The following MED27 variants were observed in gnomAD, a reference collection of about 807,000 sequenced individuals.
The protein encoded by MED27 is mediator complex subunit 27.
Under a neutral mutation model 38.2 loss-of-function variants are expected in MED27, and 30 were observed. The observed-to-expected ratio is 0.79, with a 90% CI of 0.59 to 1.07. The LOEUF (loss-of-function observed/expected upper bound fraction) is 1.07. MED27 is among the 50% of genes least tolerant of loss of function. The probability of loss-of-function intolerance (pLI) is 0.00; values close to 1 mark genes in which losing one functional copy is unlikely to be tolerated. For missense variants in MED27, 289 were observed against 397.5 expected (o/e 0.73, Z 2.32); for synonymous variants, 122 against 153.5 (o/e 0.79, Z 1.52).
rs938334406 is a variant in MED27, at chr9:131,872,425, G to A, written c.724-9285C>T. 2.0e-5 allele frequency among the ~76,000 whole-genome samples: 3 copies of A among 152,236 alleles called. No homozygotes were observed. Among genetic ancestry groups the A allele is most frequent in the African/African-American group, 7.2e-5 (3 of 41,464 alleles). On this transcript the variant is annotated intron_variant, in intron 6 of 7. Coordinates refer to ENST00000292035, the MANE Select transcript of MED27 (RefSeq NM_004269.4). The surrounding 1 kb of genome is among the most constrained non-coding windows in gnomAD (Gnocchi z 5.6). The stretch of plus-strand genomic sequence containing the variant: ...AACAGGGAAAGTTAAGTACTCAAGT[G>A]TTTAGAAGTTGCTTATTTAAAAGAG...
In MED27 at chr9:131,997,834, C is replaced by T. The variant is rs1832125213; in HGVS notation, c.479+16503G>A. On this transcript the variant is annotated intron_variant, in intron 3 of 7. Coordinates refer to ENST00000292035, the MANE Select transcript of MED27 (RefSeq NM_004269.4). This position sits in a 1 kb window ranked among gnomAD's most constrained non-coding sequence, Gnocchi z 4.0. ...CTCTCAAAGGACAGCGTTCAAACTA[C>T]ATGAGTGCTCTATGCGGTGGCTTTC... 6.6e-6 allele frequency among the ~76,000 whole-genome samples: 1 copy of T among 152,226 alleles called. No individual in the cohort carries two copies. The highest frequency in any genetic ancestry group is 6.5e-5 in the Admixed American group (1 of 15,282).
At chr9:132,042,184 T>C (rs1041467758) in intron 2 of MED27, among the ~76,000 whole-genome samples, 2 of 152,096 alleles carry the variant, frequency 1.3e-5, no homozygotes, top group Non-Finnish European at 2.9e-5. Context: ...CCTCTACAAA[T>C]GAAGAGGCTG....
rs1305944136 is a variant in MED27 at position 131,913,717 on chromosome 9, G to A, written c.574-19725C>T. ...GTGGCAGTAGGTTTCTCCAGGTGTG[G>A]ACCCCAGCCCAACTCCATCTGAACC... On this transcript the variant is annotated intron_variant, in intron 4 of 7. Coordinates refer to ENST00000292035, the MANE Select transcript of MED27 (RefSeq NM_004269.4). The surrounding 1 kb of genome is among the most constrained non-coding windows in gnomAD (Gnocchi z 4.5). Among the ~76,000 whole-genome samples the A allele has an allele frequency of 1.3e-5, 2 of 152,106 alleles. No individual in the cohort carries two copies. Among genetic ancestry groups the A allele is most frequent in the African/African-American group, 2.4e-5 (1 of 41,384 alleles).
chr9:131,990,796 G>C (rs1428892091), intron 3 of MED27, among the ~76,000 whole-genome samples: 1 of 152,178 alleles, frequency 6.6e-6, no homozygotes, highest in Non-Finnish European at 1.5e-5. Flanking sequence ...GGAGGACTGC[G>C]GCTCGCAATA....
intron 3 of MED27, among the ~76,000 whole-genome samples, chr9:131,988,282 T>C (rs1272877636): frequency 6.6e-6 from 1 of 152,230 alleles, no homozygotes; most frequent in Non-Finnish European, 1.5e-5. Flanking sequence ...TACCTATTCA[T>C]TAAAGGAGCC....
chr9:131,974,591 C>A (rs1056840054), intron 3 of MED27, among the ~76,000 whole-genome samples: 6 of 152,208 alleles, frequency 3.9e-5, no homozygotes, highest in Admixed American at 3.9e-4. Context: ...AGAGAAATGA[C>A]CTGCCCAAAG....
At chr9:131,957,503 C>G (rs747799534) in intron 3 of MED27, among the ~76,000 whole-genome samples, 2 of 152,082 alleles carry the variant, frequency 1.3e-5, no homozygotes, top group East Asian at 1.9e-4. Flanking sequence ...CGAGCCTCCC[C>G]CTTTGGCCTC....
intron 3 of MED27, among the ~76,000 whole-genome samples, chr9:131,953,777 G>T (rs546834210): frequency 3.2e-4 from 48 of 150,454 alleles, no homozygotes; most frequent in East Asian, 1.6e-3. Context: ...AAATTGTGGG[G>T]TTTTTTTTCC....
Position 131,861,993 on chromosome 9 carries a change from A to T in MED27, c.801+1070T>A, listed in dbSNP as rs116681342. Among the ~76,000 whole-genome samples, 277 of 152,280 alleles carry T rather than the reference A, an allele frequency of 1.8e-3. 1 individual carries two copies. The highest frequency in any genetic ancestry group is 6.5e-3 in the African/African-American group (270 of 41,542). On this transcript the variant is annotated intron_variant, in intron 7 of 7. Transcript: ENST00000292035. This position sits in a 1 kb window ranked among gnomAD's most constrained non-coding sequence, Gnocchi z 4.4. The stretch of plus-strand genomic sequence containing the variant: ...ATTACAACGTGTTAGGCTCAAAAGC[A>T]AGTCTTTATATCTATCTGAAATTGG...
rs530722239 is a variant in MED27, at chr9:131,982,463, G to A, written c.479+31874C>T. Among the ~76,000 whole-genome samples, 42 of 152,230 alleles carry A rather than the reference G, an allele frequency of 2.8e-4. No individual in the cohort carries two copies. Among genetic ancestry groups the A allele is most frequent in the Non-Finnish European group, 4.9e-4 (33 of 68,030 alleles). On this transcript the variant is annotated intron_variant, in intron 3 of 7. Coordinates refer to ENST00000292035, the MANE Select transcript of MED27 (RefSeq NM_004269.4). The surrounding 1 kb of genome is among the most constrained non-coding windows in gnomAD (Gnocchi z 4.3). ...GCCAGACCAGACTACACAATCGTGA[G>A]TAAATAAAATGTTTTGTTGTAAGTA...
intron 3 of MED27, among the ~76,000 whole-genome samples, chr9:131,970,441 C>A (rs558879524): frequency 1.0e-3 from 158 of 152,310 alleles, no homozygotes; most frequent in African/African-American, 3.4e-3. Context: ...CACGGAAGAG[C>A]CCTCCACGGG....
Position 131,913,417 on chromosome 9 carries a change from G to A in MED27, c.574-19425C>T, listed in dbSNP as rs913171131. Among the ~76,000 whole-genome samples, 1 of 152,140 alleles carries A rather than the reference G, an allele frequency of 6.6e-6. No individual in the cohort carries two copies. The highest frequency in any genetic ancestry group is 2.4e-5 in the African/African-American group (1 of 41,428). ...AACAGTGATAACATCTTCGGCTGAC[G>A]GGTGAGTGTGAACATCAAATAAATA... On this transcript the variant is annotated intron_variant, in intron 4 of 7. Coordinates refer to ENST00000292035, the MANE Select transcript of MED27 (RefSeq NM_004269.4). This position sits in a 1 kb window ranked among gnomAD's most constrained non-coding sequence, Gnocchi z 4.5.
intron 2 of MED27, among the ~76,000 whole-genome samples, chr9:132,058,525 C>T (rs574939497): frequency 6.6e-6 from 1 of 152,352 alleles, no homozygotes; most frequent in Admixed American, 6.5e-5. Context: ...ACTTCTCTCT[C>T]CTGCCGCCAT....
intron 5 of MED27, among the ~76,000 whole-genome samples, chr9:131,891,307 G>A (rs1429153561): frequency 6.6e-6 from 1 of 152,252 alleles, no homozygotes; most frequent in Admixed American, 6.5e-5. Flanking sequence ...AATGATGCCA[G>A]ATGAAGTCAG....
chr9:131,899,071 T>G (rs1829883233), intron 4 of MED27, among the ~76,000 whole-genome samples: 2 of 151,940 alleles, frequency 1.3e-5, no homozygotes, highest in South Asian at 4.2e-4. Flanking sequence ...AATGCACAGG[T>G]GAAGGGGATG....
intron 3 of MED27, among the ~76,000 whole-genome samples, chr9:131,998,037 G>T (rs1832131047): frequency 6.6e-6 from 1 of 152,042 alleles, no homozygotes; most frequent in South Asian, 2.1e-4. Flanking sequence ...CTGCTAACAG[G>T]GCAGAGTTCC....
intron 3 of MED27, among the ~76,000 whole-genome samples, chr9:132,007,763 C>T (rs1390238964): frequency 6.6e-6 from 1 of 151,732 alleles, no homozygotes; most frequent in Non-Finnish European, 1.5e-5. Flanking sequence ...CCAATGGAGA[C>T]AAGGCCAGGA....
chr9:132,046,988 T>C (rs1225150605), intron 2 of MED27, among the ~76,000 whole-genome samples: 1 of 152,186 alleles, frequency 6.6e-6, no homozygotes, highest in African/African-American at 2.4e-5. Context: ...CCTCATAAAG[T>C]TGATGAACTC....
At chr9:132,027,920 G>A (rs1022480845) in intron 2 of MED27, among the ~76,000 whole-genome samples, 1 of 152,160 alleles carries the variant, frequency 6.6e-6, no homozygotes, top group Non-Finnish European at 1.5e-5. Flanking sequence ...TGAGTGTACT[G>A]GGCACAGCAC....
Sources: allele counts gnomAD v4.1 joint callset (sites outside exome capture counted in the v4.1 genomes callset), GRCh38; gene constraint gnomAD v4.1.1; non-coding constraint Gnocchi (gnomAD v3.1); transcripts MANE v1.5; gene names NCBI Gene and HGNC (gene_info 2026-07-23, HGNC 2026-07-21).